The following GRM1 variants were observed in gnomAD, a reference collection of about 807,000 sequenced individuals.
The protein encoded by GRM1 is metabotropic glutamate receptor 1.
Under a neutral mutation model 90.9 loss-of-function variants are expected in GRM1, and 33 were observed. The ratio of observed to expected loss-of-function variants is 0.36; its 90% CI spans 0.28 to 0.49. The LOEUF (loss-of-function observed/expected upper bound fraction) is 0.49, where lower values mean the gene tolerates loss of function less well. Among genes scored for constraint, GRM1 ranks in the 20% least tolerant of loss-of-function variants. GRM1 has a pLI of 0.99. For synonymous variants in GRM1, 700 were observed against 613.2 expected (o/e 1.14, Z -2.09); for missense variants, 1,190 against 1,534.3 (o/e 0.78, Z 3.75).
At chr6:146,187,877 C>T (rs995532790) in intron 2 of GRM1, among the ~76,000 whole-genome samples, 78 of 151,942 alleles carry the variant, frequency 5.1e-4, no homozygotes, top group African/African-American at 1.7e-3. Flanking sequence ...TAAGAACAAC[C>T]AGGCAAATGC....
chr6:146,426,455 A>G, intron 7 of GRM1: 1 of 1,033,258 alleles, frequency 9.7e-7, no homozygotes, highest in Non-Finnish European at 1.5e-6. Flanking sequence ...GGCAATACAG[A>G]GCAAGGCTCA....
intron 2 of GRM1, among the ~76,000 whole-genome samples, chr6:146,268,249 G>T (rs771315388): frequency 6.6e-6 from 1 of 152,100 alleles, no homozygotes; most frequent in Non-Finnish European, 1.5e-5. Context: ...AAAATGTTAA[G>T]CCCCCGACCT....
chr6:146,330,760 G>C (rs186032595), intron 3 of GRM1, among the ~76,000 whole-genome samples: 246 of 152,218 alleles, frequency 1.6e-3, no homozygotes, highest in African/African-American at 5.5e-3. Context: ...TGCAATAAAG[G>C]CAGGATCAAT....
chr6:146,027,762 T>C (rs536688014), upstream of GRM1: 5 of 152,366 alleles, frequency 3.3e-5, 1 homozygote, highest in South Asian at 4.2e-4. Context: ...CCCGGGACCA[T>C]AGCGCTGTCT....
At chr6:146,344,796 G>T (rs9376986) in intron 3 of GRM1, among the ~76,000 whole-genome samples, 58,720 of 150,378 alleles carry the variant, frequency 0.39, 14,285 homozygotes, top group African/African-American at 0.7. Context: ...TATCTTTTTC[G>T]TTTTTCTTTT....
At chr6:146,110,413 C>T (rs904114403) in intron 1 of GRM1, among the ~76,000 whole-genome samples, 7 of 152,170 alleles carry the variant, frequency 4.6e-5, no homozygotes, top group Non-Finnish European at 1.0e-4. Flanking sequence ...GTGCCTTTCA[C>T]CTTCCATCAT....
intron 5 of GRM1, among the ~76,000 whole-genome samples, chr6:146,361,069 G>A (rs183800054): frequency 1.6e-4 from 24 of 152,294 alleles, no homozygotes; most frequent in African/African-American, 5.3e-4. Flanking sequence ...GTTACAGGCA[G>A]CTACTGAGGA....
rs539907354 is a variant in GRM1, at chr6:146,401,006, G to A, written c.2660+1307G>A. 3.9e-5 allele frequency among the ~76,000 whole-genome samples: 6 copies of A among 151,908 alleles called. No individual in the cohort carries two copies. The South Asian group carries it at 1.3e-3, about 32-fold the overall frequency. ...ATTCCCCTTAGTTATTCTTTATTTA[G>A]ATCTTAAATGATATGATACTTCTCA... On this transcript the variant is annotated intron_variant, in intron 7 of 7. Coordinates refer to ENST00000282753, the MANE Select transcript of GRM1 (RefSeq NM_001278064.2).
intron 1 of GRM1, among the ~76,000 whole-genome samples, chr6:146,156,385 G>C (rs560601286): frequency 6.6e-6 from 1 of 152,138 alleles, no homozygotes; most frequent in Non-Finnish European, 1.5e-5. Flanking sequence ...CAGCCTGGGC[G>C]ACCAAGAGTG....
intron 2 of GRM1, among the ~76,000 whole-genome samples, chr6:146,195,300 A>AT (rs1319332423): frequency 1.3e-5 from 2 of 152,226 alleles, no homozygotes; most frequent in Non-Finnish European, 2.9e-5. Context: ...AATTGCAACC[A>AT]TCTTCTATTA....
intron 1 of GRM1, among the ~76,000 whole-genome samples, chr6:146,101,539 T>C (rs1215042703): frequency 1.3e-5 from 2 of 152,130 alleles, no homozygotes; most frequent in Non-Finnish European, 2.9e-5. Context: ...CTTCTTACCT[T>C]TCAGCCAGTC....
chr6:146,126,772 A>G (rs932113555), intron 1 of GRM1, among the ~76,000 whole-genome samples: 1 of 152,162 alleles, frequency 6.6e-6, no homozygotes, highest in Non-Finnish European at 1.5e-5. Context: ...AGAAAGTTTT[A>G]AATTTGCTCT....
intron 2 of GRM1, among the ~76,000 whole-genome samples, chr6:146,174,988 TAGAG>T (rs1020710899): frequency 6.6e-6 from 1 of 151,720 alleles, no homozygotes. Flanking sequence ...GGGGGGCGGA[TAGAG>T]AGAGAGAGAT....
At chr6:146,159,631 TCTCTCTCTC>T in intron 2 of GRM1, 34 bp downstream of exon 2, 1 of 1,473,810 alleles carries the variant, frequency 6.8e-7, no homozygotes, top group Non-Finnish European at 9.2e-7. Context: ...TCTCTCTCTC[TCTCTCTCTC>T]TCACACACAC....
At chr6:146,397,848 G>A (rs1777022631) in intron 6 of GRM1, among the ~76,000 whole-genome samples, 2 of 152,124 alleles carry the variant, frequency 1.3e-5, no homozygotes, top group African/African-American at 4.8e-5. Context: ...TGGTTCTGGT[G>A]GTTCCTTGTT....
At chr6:146,150,937 C>CGT (rs1777306800) in intron 1 of GRM1, among the ~76,000 whole-genome samples, 7 of 112,504 alleles carry the variant, frequency 6.2e-5, no homozygotes, top group Admixed American at 4.8e-4. Context: ...CGCGTGTGCG[C>CGT]GCACACACAC....
intron 1 of GRM1, 137 bp downstream of exon 1, chr6:146,030,354 C>G (rs1371046887): frequency 1.4e-6 from 1 of 717,532 alleles, no homozygotes; most frequent in Admixed American, 2.0e-5. Context: ...TACTGCCCAC[C>G]CAGGCATTGC....
chr6:146,373,549 C>T (rs2115099912), intron 5 of GRM1, among the ~76,000 whole-genome samples: 1 of 152,226 alleles, frequency 6.6e-6, no homozygotes, highest in South Asian at 2.1e-4. Context: ...CCTTCTGCCA[C>T]ACTGGGGATT....
rs1016101478 is a variant in GRM1, at chr6:146,067,410, T to C, written c.700+37193T>C. 1.5e-4 allele frequency among the ~76,000 whole-genome samples: 23 copies of C among 152,226 alleles called. 1 individual carries two copies. Among genetic ancestry groups the C allele is most frequent in the African/African-American group, 3.9e-4 (16 of 41,470 alleles). On this transcript the variant is annotated intron_variant, in intron 1 of 7. Transcript: ENST00000282753. ...ATTGTAAAGTCTTAGACATATATTT[T>C]ACTTCTGGGTAATTATTTGACAGTA...
Sources: gnomAD v4.1 joint callset for allele counts (sites outside exome capture counted in the v4.1 genomes callset) on GRCh38, gnomAD v4.1.1 for gene constraint, MANE v1.5 for transcripts, NCBI Gene and HGNC (gene_info 2026-07-23, HGNC 2026-07-21) for gene names.